CAMTA1: variants seen among roughly 807,000 people sequenced by gnomAD.
The protein encoded by CAMTA1 is calmodulin binding transcription activator 1.
CAMTA1 carries 27 observed loss-of-function variants against 170.9 expected under a neutral mutation model. The ratio of observed to expected loss-of-function variants is 0.16; its 90% CI spans 0.12 to 0.22. CAMTA1 has a LOEUF of 0.22. CAMTA1 is among the 10% of genes least tolerant of loss of function. The probability of loss-of-function intolerance (pLI) is 1.00; values close to 1 mark genes in which losing one functional copy is unlikely to be tolerated. For missense variants in CAMTA1, 1,619 were observed against 2,217.2 expected (o/e 0.73, Z 5.42); for synonymous variants, 833 against 891.5 (o/e 0.93, Z 1.17).
At chr1:7,525,563 G>T (rs1453050130) in intron 6 of CAMTA1, among the ~76,000 whole-genome samples, 2 of 152,068 alleles carry the variant, frequency 1.3e-5, no homozygotes, top group Non-Finnish European at 2.9e-5. Flanking sequence ...CGAGTTGATG[G>T]TTTTTTTCAT....
chr1:6,810,856 A>G (rs1349817295), intron 1 of CAMTA1, among the ~76,000 whole-genome samples: 1 of 152,124 alleles, frequency 6.6e-6, no homozygotes, highest in Admixed American at 6.5e-5. Context: ...GGTCCATCAT[A>G]AAGTTTGTCC....
chr1:6,798,631 C>G (rs1324373089), intron 1 of CAMTA1, among the ~76,000 whole-genome samples: 1 of 101,724 alleles, frequency 9.8e-6, no homozygotes, highest in African/African-American at 4.0e-5. Flanking sequence ...GCTCTGTCGC[C>G]CAGGCCGGAC....
intron 3 of CAMTA1, among the ~76,000 whole-genome samples, chr1:7,004,027 C>T (rs753069612): frequency 2.0e-5 from 3 of 152,158 alleles, no homozygotes; most frequent in East Asian, 1.9e-4. Context: ...AGCACAAGAA[C>T]GCGTTTGGTT....
intron 5 of CAMTA1, chr1:7,441,028 C>G (rs1187426756): frequency 6.6e-6 from 1 of 152,204 alleles, no homozygotes; most frequent in Non-Finnish European, 1.5e-5. Flanking sequence ...TCACCCACAT[C>G]TCCTTTTGGA....
intron 6 of CAMTA1, among the ~76,000 whole-genome samples, chr1:7,475,616 CT>C (rs1360633568): frequency 1.3e-5 from 2 of 152,156 alleles, no homozygotes; most frequent in African/African-American, 2.4e-5. Flanking sequence ...CGAGGTGCCC[CT>C]ATACACGCTC....
chr1:7,002,828 C>T lies in CAMTA1; in HGVS notation c.235-88476C>T, dbSNP rs1036359803. ...GGTTCTATCAAAAGAGGGAACGTGC[C>T]GGTTTGCCATGACTCACTCTTGACG... On this transcript the variant is annotated intron_variant, in intron 3 of 22. Coordinates refer to ENST00000303635, the MANE Select transcript of CAMTA1 (RefSeq NM_015215.4). Among the ~76,000 whole-genome samples the T allele has an allele frequency of 2.4e-4, 37 of 152,252 alleles. 2 individuals are homozygous for T. Among genetic ancestry groups the T allele is most frequent in the Admixed American group, 2.2e-3 (34 of 15,298 alleles).
intron 11 of CAMTA1, among the ~76,000 whole-genome samples, chr1:7,692,140 C>T (rs188380238): frequency 8.5e-5 from 13 of 152,236 alleles, no homozygotes; most frequent in Non-Finnish European, 1.3e-4. Context: ...AACCAGGCAG[C>T]GTCACCTCCC....
At chr1:6,877,251 G>T (rs564141913) in intron 3 of CAMTA1, among the ~76,000 whole-genome samples, 1 of 152,206 alleles carries the variant, frequency 6.6e-6, no homozygotes, top group African/African-American at 2.4e-5. Context: ...GAGGGCAAGC[G>T]GCAGACTTCC....
chr1:7,118,471 A>AT lies in CAMTA1; in HGVS notation c.302+27109dup, dbSNP rs1276192782. ...CCATGCCTGGCTAATTAAAAAAAAA[A>AT]TTTTTTTTTGGAGAGTTGGGGTCTT... On this transcript the variant is annotated intron_variant, in intron 4 of 22. Transcript: ENST00000303635. 2.8e-4 allele frequency among the ~76,000 whole-genome samples: 42 copies of AT among 150,226 alleles called. No homozygotes were observed. In the East Asian group the frequency reaches 7.1e-3, roughly 25 times the overall value.
chr1:7,402,041 T>C (rs2149207661), intron 5 of CAMTA1, among the ~76,000 whole-genome samples: 1 of 152,316 alleles, frequency 6.6e-6, no homozygotes, highest in South Asian at 2.1e-4. Flanking sequence ...ACTTGCTCTC[T>C]TATTGCTCCC....
chr1:7,735,220 G>T (rs2096762358), intron 12 of CAMTA1, among the ~76,000 whole-genome samples: 3 of 152,206 alleles, frequency 2.0e-5, no homozygotes, highest in Admixed American at 2.0e-4. Flanking sequence ...GCAAGAGGCT[G>T]GGCGCGGTGG....
intron 6 of CAMTA1, among the ~76,000 whole-genome samples, chr1:7,563,944 G>A (rs1376430265): frequency 6.6e-6 from 1 of 152,172 alleles, no homozygotes; most frequent in African/African-American, 2.4e-5. Context: ...GCAGAGGGAG[G>A]GTAAAGCGAG....
At chr1:7,432,654 C>T (rs935302768) in intron 5 of CAMTA1, among the ~76,000 whole-genome samples, 7 of 152,164 alleles carry the variant, frequency 4.6e-5, no homozygotes, top group East Asian at 3.9e-4. Context: ...TGGGGTGGTC[C>T]GTCCTGAGCA....
Position 7,148,431 on chromosome 1 carries a change from C to G in CAMTA1, c.302+57060C>G, listed in dbSNP as rs892661213. Among the ~76,000 whole-genome samples, 39 of 152,204 alleles carry G rather than the reference C, an allele frequency of 2.6e-4. No homozygotes were observed. The East Asian group carries it at 6.0e-3, about 23-fold the overall frequency. ...AACACACGAATCCACCCCCTCCCCC[C>G]CCGCCACGCTCCCCGCCATGCTCCT... On this transcript the variant is annotated intron_variant, in intron 4 of 22. Transcript: ENST00000303635.
rs1438427938 is a variant in CAMTA1, at chr1:7,558,032, G to A, written c.511-82368G>A. ...TGTGCCTCTCGCCTCTGCCATTCCCGGCATCCTGAGGTAAAGTGATAACCA... is the reference window on the plus strand; with the variant it reads ...TGTGCCTCTCGCCTCTGCCATTCCCAGCATCCTGAGGTAAAGTGATAACCA... On this transcript the variant is annotated intron_variant, in intron 6 of 22. Transcript: ENST00000303635. Among the ~76,000 whole-genome samples the A allele has an allele frequency of 2.6e-5, 4 of 152,190 alleles. No homozygotes were observed. The East Asian group carries it at 5.8e-4, about 22-fold the overall frequency.
At chr1:6,931,371 G>A (rs1044857236) in intron 3 of CAMTA1, among the ~76,000 whole-genome samples, 2 of 152,164 alleles carry the variant, frequency 1.3e-5, no homozygotes, top group Admixed American at 6.5e-5. Flanking sequence ...ACCTGGAGAT[G>A]CCCTCATTCC....
At chr1:6,846,094 T>C (rs1209294054) in intron 3 of CAMTA1, among the ~76,000 whole-genome samples, 2 of 152,180 alleles carry the variant, frequency 1.3e-5, no homozygotes, top group African/African-American at 4.8e-5. Flanking sequence ...GATTCAATTA[T>C]CTCCACCTGG....
At chr1:7,105,859 T>C (rs571638063) in intron 4 of CAMTA1, among the ~76,000 whole-genome samples, 30 of 151,786 alleles carry the variant, frequency 2.0e-4, no homozygotes, top group Non-Finnish European at 3.8e-4. Context: ...GAGGATCACC[T>C]GAGCCCAGGA....
intron 22 of CAMTA1, among the ~76,000 whole-genome samples, chr1:7,761,434 T>G (rs1281142688): frequency 2.6e-5 from 4 of 152,322 alleles, no homozygotes; most frequent in Non-Finnish European, 5.9e-5. Context: ...TAATTTTTTT[T>G]TTTTAGATAG....
Sources: gnomAD v4.1 joint callset for allele counts (sites outside exome capture counted in the v4.1 genomes callset) on GRCh38, gnomAD v4.1.1 for gene constraint, MANE v1.5 for transcripts, NCBI Gene and HGNC (gene_info 2026-07-23, HGNC 2026-07-21) for gene names.